Variants in MGAM2 observed in about 807,000 individuals in gnomAD.
MGAM2 encodes the protein probable maltase-glucoamylase 2.
A neutral mutation model predicts 96.1 loss-of-function variants in MGAM2; 98 were observed. The observed-to-expected ratio is 1.02, with a 90% CI of 0.87 to 1.21. MGAM2 has a LOEUF of 1.21. MGAM2 is among the 50% of genes most tolerant of loss of function. The pLI is 0.00. For missense variants in MGAM2, 2,055 were observed against 1,182.4 expected, an observed-to-expected ratio of 1.74 and a Z score of -10.82; for synonymous variants, 749 against 414.8, an observed-to-expected ratio of 1.81 and a Z score of -9.79.
At chr7:142,163,670 A>G (rs1157941619) in intron 23 of MGAM2, among the ~76,000 whole-genome samples, 1 of 152,140 alleles carries the variant, frequency 6.6e-6, no homozygotes. Flanking sequence ...AATCTTCCAA[A>G]CTGTTTTCCA....
intron 35 of MGAM2, among the ~76,000 whole-genome samples, 186 bp downstream of exon 35, chr7:142,186,309 C>T (rs973065601): frequency 6.6e-6 from 1 of 152,008 alleles, no homozygotes; most frequent in Admixed American, 6.6e-5. Flanking sequence ...TGCCCAGGGA[C>T]ATATTGTCTG....
At chr7:142,174,765 G>C (rs542120318) in intron 31 of MGAM2, among the ~76,000 whole-genome samples, 8 of 126,852 alleles carry the variant, frequency 6.3e-5, no homozygotes, top group Non-Finnish European at 9.5e-5. Flanking sequence ...GCCCAGGCTG[G>C]AGTGCCATGG....
intron 6 of MGAM2, 66 bp downstream of exon 6, chr7:142,132,151 A>C (rs1183003181): frequency 3.2e-6 from 2 of 618,042 alleles, no homozygotes; most frequent in Non-Finnish European, 5.8e-6. Context: ...ATTCTGATTT[A>C]CTGGGGGTGG....
At chr7:142,131,473 A>G in intron 4 of MGAM2, 45 bp from the exon 5 acceptor site, 1 of 693,180 alleles carries the variant, frequency 1.4e-6, no homozygotes, top group Non-Finnish European at 2.6e-6. Context: ...CCAAACACTA[A>G]AAGTTAGTCT....
rs1447381308 is a variant in MGAM2 at position 142,140,821 on chromosome 7, T to C, written c.1106T>C (p.Ile369Thr). Residue 369 changes from isoleucine (I) to threonine (T), a missense_variant, in exon 11 of 48, where the codon ATA (isoleucine) becomes ACA (threonine). Coordinates refer to ENST00000477922, the MANE Select transcript of MGAM2 (RefSeq NM_001293626.2). ...TTTCAGGATGTCCAGTACTCTGACA[T>C]AGACTACATGGATGGAAAGAAGGAT... ...EIPYDVQYSD[I>T]DYMDGKKDFT... The C allele has an allele frequency of 4.3e-6, 3 of 702,640 alleles. No homozygotes were observed. Among genetic ancestry groups the C allele is most frequent in the Non-Finnish European group, 7.8e-6 (3 of 384,950 alleles). The allele number at this position is 702,640 out of a possible 1,614,324, so 43.5% of individuals were successfully genotyped here.
intron 15 of MGAM2, among the ~76,000 whole-genome samples, chr7:142,150,090 C>T (rs1419019813): frequency 2.6e-5 from 4 of 151,438 alleles, no homozygotes; most frequent in Non-Finnish European, 4.4e-5. Flanking sequence ...TACAGGCATG[C>T]GCCACCACGC....
chr7:142,165,090 T>G, intron 24 of MGAM2, 67 bp downstream of exon 24: 1 of 607,298 alleles, frequency 1.6e-6, no homozygotes, highest in Non-Finnish European at 2.9e-6. Context: ...AGCCCTACTT[T>G]GCTCTTTTAA....
chr7:142,221,436 A>G lies in MGAM2; in HGVS notation c.6925A>G (p.Ser2309Gly), dbSNP rs1201783373. Residue 2309 changes from serine to glycine, a missense_variant, in exon 48 of 48, where the codon AGC becomes GGC. Physicochemically the swap from Ser to Gly is moderately conservative, Grantham distance 56. Transcript: ENST00000477922. ...IPTHTLTSIP[S>G]SITSILSMFP... ...TACCCATACTCTTACTTCTATTCCTAGCTCTATTACTTCTATTTTGAGCAT... is the reference window on the plus strand; with the variant it reads ...TACCCATACTCTTACTTCTATTCCTGGCTCTATTACTTCTATTTTGAGCAT... 5.1e-6 allele frequency: 3 copies of G among 587,584 alleles called. No homozygotes were observed. In the Admixed American group the frequency reaches 9.2e-5, roughly 18 times the overall value. The allele number at this position is 587,584 out of a possible 1,614,324, so 36.4% of individuals were successfully genotyped here.
intron 17 of MGAM2, among the ~76,000 whole-genome samples, 199 bp from the exon 18 acceptor site, chr7:142,157,738 G>A (rs2129085526): frequency 6.6e-6 from 1 of 152,108 alleles, no homozygotes; most frequent in African/African-American, 2.4e-5. Flanking sequence ...TTCTACATTG[G>A]GAAAGTCATA....
At chr7:142,126,708 T>C (rs1294683632) in intron 3 of MGAM2, among the ~76,000 whole-genome samples, 1 of 152,156 alleles carries the variant, frequency 6.6e-6, no homozygotes, top group Non-Finnish European at 1.5e-5. Context: ...CATTTTTTAT[T>C]CTTGTGTTAA....
intron 46 of MGAM2, among the ~76,000 whole-genome samples, chr7:142,209,185 G>A (rs937207533): frequency 1.3e-5 from 2 of 152,266 alleles, no homozygotes; most frequent in African/African-American, 4.8e-5. Flanking sequence ...TCATGGCCTT[G>A]TGGGAAGGTC....
intron 15 of MGAM2, among the ~76,000 whole-genome samples, chr7:142,152,820 A>G (rs893077735): frequency 6.6e-6 from 1 of 152,114 alleles, no homozygotes; most frequent in African/African-American, 2.4e-5. Flanking sequence ...CAGGGGGGAA[A>G]AAAGAAAAGA....
chr7:142,112,029 T>G (rs895425003), intron 1 of MGAM2, among the ~76,000 whole-genome samples: 2 of 147,802 alleles, frequency 1.4e-5, no homozygotes, highest in African/African-American at 5.2e-5. Context: ...TGTGTGTGTG[T>G]GTGTGTGTGT....
chr7:142,167,128 C>G (rs1796050579), intron 25 of MGAM2, 140 bp from the exon 26 acceptor site: 1 of 571,670 alleles, frequency 1.7e-6, no homozygotes, highest in Non-Finnish European at 3.1e-6. Flanking sequence ...TAGGACTTAA[C>G]ATCTTTTTTA....
At chr7:142,129,060 C>T (rs118106878) in intron 3 of MGAM2, among the ~76,000 whole-genome samples, 5,436 of 152,316 alleles carry the variant, frequency 0.036, 115 homozygotes, top group Middle Eastern at 0.099. Context: ...CTGCTCAAGG[C>T]TGTGGGAGCC....
intron 45 of MGAM2, 131 bp downstream of exon 45, chr7:142,200,099 T>A (rs1797177386): frequency 4.2e-6 from 2 of 476,348 alleles, no homozygotes; most frequent in Non-Finnish European, 7.4e-6. Context: ...ATTTGGAGAA[T>A]TTTTCCAACT....
intron 21 of MGAM2, 66 bp from the exon 22 acceptor site, chr7:142,161,059 G>T: frequency 1.4e-6 from 1 of 690,104 alleles, no homozygotes; most frequent in East Asian, 2.7e-5. Flanking sequence ...GGGGGATGAA[G>T]GTGGCTGGTT....
chr7:142,166,907 G>C (rs1485818984), intron 25 of MGAM2, among the ~76,000 whole-genome samples: 1 of 152,146 alleles, frequency 6.6e-6, no homozygotes, highest in East Asian at 1.9e-4. Context: ...TCCTTCTGAG[G>C]ACCTTGAGGG....
At chr7:142,157,592 A>G (rs943556078) in intron 17 of MGAM2, among the ~76,000 whole-genome samples, 4 of 151,978 alleles carry the variant, frequency 2.6e-5, no homozygotes, top group South Asian at 2.1e-4. Flanking sequence ...GGATTTCACC[A>G]TGTTGGCCAG....
Sources: allele counts gnomAD v4.1 joint callset (sites outside exome capture counted in the v4.1 genomes callset), GRCh38; gene constraint gnomAD v4.1.1; transcripts MANE v1.5; gene names NCBI Gene and HGNC (gene_info 2026-07-23, HGNC 2026-07-21).